DMXL1: variants seen among roughly 807,000 people sequenced by gnomAD.
DMXL1 encodes the protein dmX-like protein 1.
Under a neutral mutation model 319.2 loss-of-function variants are expected in DMXL1, and 99 were observed. That is an observed-to-expected ratio of 0.31 (90% CI 0.26 to 0.37). The LOEUF (loss-of-function observed/expected upper bound fraction) is 0.37. DMXL1 is among the 10% of genes least tolerant of loss of function. The pLI is 1.00. For missense variants in DMXL1, 3,745 were observed against 3,595.6 expected (o/e 1.04, Z -1.06); for synonymous variants, 1,385 against 1,235.2 (o/e 1.12, Z -2.54).
At position 119,171,964 on chromosome 5, in the gene DMXL1, A is replaced by G. The variant is rs374108536; in HGVS notation, c.6676A>G (p.Asn2226Asp). The change falls in exon 25 of 44, where the codon AAT becomes GAT. Residue 2226 changes from asparagine to aspartate, a missense_variant. Physicochemically the swap from Asn to Asp is conservative, Grantham distance 23. Transcript: ENST00000539542. ...DSPPHPDIQS[N>D]KVYVMHTLAA... ...ACCACCCCACCCTGATATCCAAAGCAATAAAGTAAGTATGCTTGGTTTCAA... is the reference window on the plus strand; with the variant it reads ...ACCACCCCACCCTGATATCCAAAGCGATAAAGTAAGTATGCTTGGTTTCAA... The G allele has an allele frequency of 1.5e-4, 241 of 1,609,136 alleles. No individual in the cohort carries two copies. The highest frequency in any genetic ancestry group is 2.0e-4 in the Non-Finnish European group (235 of 1,177,686).
At chr5:119,135,008 G>A (rs1169578528) in intron 13 of DMXL1, among the ~76,000 whole-genome samples, 1 of 152,204 alleles carries the variant, frequency 6.6e-6, no homozygotes, top group African/African-American at 2.4e-5. Flanking sequence ...CCATCTCCCT[G>A]ACTACCAATT....
intron 32 of DMXL1, among the ~76,000 whole-genome samples, chr5:119,202,913 A>ATT (rs1371230513): frequency 6.9e-6 from 1 of 145,092 alleles, no homozygotes; most frequent in Non-Finnish European, 1.5e-5. Flanking sequence ...ATATTTATAT[A>ATT]TTTTTATATA....
chr5:119,247,250 C>A lies in DMXL1; in HGVS notation c.*31C>A. On this transcript the variant is annotated 3_prime_UTR_variant, in exon 44 of 44. Coordinates refer to ENST00000539542, the MANE Select transcript of DMXL1 (RefSeq NM_001290321.3). ...TTACAATAAGATGTACAATTTATTA[C>A]CTATATGGAAGTGGCCAACAGATAT... 6.6e-7 allele frequency: 1 copy of A among 1,508,256 alleles called. No homozygotes were observed. The highest frequency in any genetic ancestry group is 9.2e-7 in the Non-Finnish European group (1 of 1,091,172). 93.4% of individuals were successfully genotyped at this position (1,508,256 alleles called of 1,614,324 possible).
intron 1 of DMXL1, among the ~76,000 whole-genome samples, chr5:119,075,109 C>T (rs902248010): frequency 6.6e-6 from 1 of 151,854 alleles, no homozygotes; most frequent in Non-Finnish European, 1.5e-5. Context: ...CTTCATAAAT[C>T]GTGGTTGAAT....
At chr5:119,134,436 T>C (rs1424641184) in intron 13 of DMXL1, 47 bp downstream of exon 13, 3 of 1,465,160 alleles carry the variant, frequency 2.0e-6, no homozygotes, top group Non-Finnish European at 2.8e-6. Flanking sequence ...TATTATGTTT[T>C]CAGATAGTTT....
chr5:119,242,472 C>G (rs913363327), intron 42 of DMXL1, among the ~76,000 whole-genome samples: 4 of 152,124 alleles, frequency 2.6e-5, no homozygotes, highest in African/African-American at 9.7e-5. Flanking sequence ...CAAAGAAGAT[C>G]TAAATAAATG....
At position 119,147,484 on chromosome 5, in the gene DMXL1, A is replaced by G; in HGVS notation, c.2911+14A>G. The G allele has an allele frequency of 6.3e-7, 1 of 1,585,066 alleles. No individual in the cohort carries two copies. ...AGCCATCAGCAGGTTTGTAAATTTTATGAAAAGAGACTAATTTTGTAACAC... is the reference window on the plus strand; with the variant it reads ...AGCCATCAGCAGGTTTGTAAATTTTGTGAAAAGAGACTAATTTTGTAACAC... On this transcript the variant is annotated intron_variant, in intron 17 of 43. Transcript: ENST00000539542.
intron 15 of DMXL1, among the ~76,000 whole-genome samples, 154 bp from the exon 16 acceptor site, chr5:119,146,683 T>A (rs1768617441): frequency 6.6e-6 from 1 of 152,070 alleles, no homozygotes; most frequent in Non-Finnish European, 1.5e-5. Context: ...TGGTAAAGGA[T>A]TTGAATATAT....
intron 13 of DMXL1, among the ~76,000 whole-genome samples, chr5:119,135,178 G>GT (rs1313544159): frequency 6.6e-6 from 1 of 152,002 alleles, no homozygotes; most frequent in African/African-American, 2.4e-5. Context: ...ATATATTTTG[G>GT]GGGGGGTCTT....
intron 28 of DMXL1, among the ~76,000 whole-genome samples, chr5:119,182,916 A>C (rs1034980876): frequency 2.0e-5 from 3 of 152,132 alleles, no homozygotes; most frequent in Admixed American, 6.6e-5. Flanking sequence ...AGAAATCCAT[A>C]CTTTTGCTTT....
At chr5:119,231,326 G>A (rs950321395) in intron 38 of DMXL1, among the ~76,000 whole-genome samples, 4 of 152,260 alleles carry the variant, frequency 2.6e-5, no homozygotes, top group African/African-American at 9.6e-5. Flanking sequence ...AAATTCAGAT[G>A]AACCCATGAT....
rs1241873642 is a variant in DMXL1, at chr5:119,150,328, C to T, written c.4501C>T (p.Leu1501Phe). The T allele has an allele frequency of 6.8e-6, 11 of 1,613,748 alleles. No homozygotes were observed. The highest frequency in any genetic ancestry group is 1.3e-5 in the African/African-American group (1 of 74,888). The change falls in exon 18 of 44, where the codon CTC (leucine) becomes TTC (phenylalanine). Residue 1501 changes from leucine (L) to phenylalanine (F), a missense_variant. Around this residue, in one of 4 missense-constraint regions of DMXL1, gnomAD observed 2,096 missense variants for 1,985.4 expected, o/e 1.06. Coordinates refer to ENST00000539542, the MANE Select transcript of DMXL1 (RefSeq NM_001290321.3). ...GHLLHSSLPG[L>F]SRMEQMSLMA... ...CTTACTTCATTCTAGTTTACCAGGA[C>T]TCAGCCGGATGGAGCAGATGTCTTT...
At chr5:119,178,678 C>G in intron 28 of DMXL1, 1 of 984,580 alleles carries the variant, frequency 1.0e-6, no homozygotes, top group Non-Finnish European at 1.2e-6. Context: ...ATAGCCCTCC[C>G]AGTCTTGCAG....
chr5:119,170,845 T>C lies in DMXL1; in HGVS notation c.6054T>C (p.Asn2018=). The change falls in exon 24 of 44, where the codon AAT becomes AAC. Residue 2018 remains asparagine, a synonymous_variant. Transcript: ENST00000539542. The part of the protein sequence containing the change: ...FSTLDENDLL[N]PSEDIIAVQL... ...CACTAGATGAAAATGACCTTTTAAA[T>C]CCATCAGAAGATATAATTGCAGTTC... 6.2e-7 allele frequency: 1 copy of C among 1,612,164 alleles called. No homozygotes were observed. Among genetic ancestry groups the C allele is most frequent in the Non-Finnish European group, 8.5e-7 (1 of 1,179,600 alleles).
chr5:119,129,202 C>G lies in DMXL1; in HGVS notation c.1103-9C>G, dbSNP rs985777764. 6.6e-7 allele frequency: 1 copy of G among 1,519,166 alleles called. No homozygotes were observed. The highest frequency in any genetic ancestry group is 2.3e-5 in the East Asian group (1 of 43,564). The allele number at this position is 1,519,166 out of a possible 1,614,324, so 94.1% of individuals were successfully genotyped here. A position where few individuals can be genotyped will look rare whatever the true frequency, so the allele number is the denominator to read the frequency against. ...AAAATTTTAATTTTATCTTTTTTTT[C>G]TCTTATAGACATTCCACTTCTTCCA... On this transcript the variant is annotated splice_polypyrimidine_tract_variant and intron_variant, in intron 9 of 43. Transcript: ENST00000539542.
intron 1 of DMXL1, among the ~76,000 whole-genome samples, chr5:119,076,663 C>G (rs183703659): frequency 6.6e-6 from 1 of 152,056 alleles, no homozygotes; most frequent in Non-Finnish European, 1.5e-5. Context: ...TGCTGCATGC[C>G]AAACTTAAAA....
At chr5:119,156,145 A>G (rs1230396389) in intron 19 of DMXL1, among the ~76,000 whole-genome samples, 2 of 152,354 alleles carry the variant, frequency 1.3e-5, no homozygotes, top group East Asian at 1.9e-4. Flanking sequence ...AGAAATTGCT[A>G]TAGCCATCCC....
intron 7 of DMXL1, among the ~76,000 whole-genome samples, chr5:119,116,886 A>G (rs889492167): frequency 6.6e-6 from 1 of 152,140 alleles, no homozygotes; most frequent in Non-Finnish European, 1.5e-5. Flanking sequence ...ACAGTGACAC[A>G]CACATACATA....
intron 15 of DMXL1, 44 bp downstream of exon 15, chr5:119,144,682 A>G: frequency 4.1e-6 from 5 of 1,209,606 alleles, no homozygotes; most frequent in Non-Finnish European, 5.7e-6. Context: ...TATGTACAGT[A>G]TGTTAGGCAG....
Sources: allele counts gnomAD v4.1 joint callset (sites outside exome capture counted in the v4.1 genomes callset), GRCh38; gene constraint gnomAD v4.1.1; regional missense constraint gnomAD v4.1.1; transcripts MANE v1.5; gene names NCBI Gene and HGNC (gene_info 2026-07-23, HGNC 2026-07-21).